TPD52: variants seen among roughly 807,000 people sequenced by gnomAD.
TPD52 encodes the protein tumor protein D52, also known as prostate and colon associated protein.
TPD52 carries 17 observed loss-of-function variants against 31.3 expected under a neutral mutation model. The observed-to-expected ratio is 0.54, with a 90% CI of 0.37 to 0.82. The LOEUF is 0.82. Among genes scored for constraint, TPD52 ranks in the 40% least tolerant of loss-of-function variants. TPD52 has a pLI of 0.00. For missense variants in TPD52, 212 were observed against 240.1 expected (o/e 0.88, Z 0.77); for synonymous variants, 83 against 89.6 (o/e 0.93, Z 0.42).
downstream of TPD52, among the ~76,000 whole-genome samples, chr8:80,033,865 T>C (rs1476220604): frequency 6.6e-6 from 1 of 152,122 alleles, no homozygotes; most frequent in Non-Finnish European, 1.5e-5. Context: ...ACCATCCGAT[T>C]AGCCGAAATG....
At chr8:80,128,494 C>CAAAAAAAA (rs3053828) in intron 1 of TPD52, among the ~76,000 whole-genome samples, 31 of 83,098 alleles carry the variant, frequency 3.7e-4, no homozygotes, top group Middle Eastern at 8.2e-3. Flanking sequence ...CCTGTCTCTA[C>CAAAAAAAA]AAAAAAAAAA....
downstream of TPD52, among the ~76,000 whole-genome samples, chr8:80,032,047 G>A (rs1327434480): frequency 6.6e-6 from 1 of 151,610 alleles, no homozygotes; most frequent in African/African-American, 2.4e-5. Context: ...CATCCACTCA[G>A]GAGGCTGAGG....
In TPD52 at chr8:80,036,857, A is replaced by T. The variant is rs1310758952; in HGVS notation, c.*1259T>A. ...ATAATAAAACAATCACAATTTAATA[A>T]ATAACAAATACAACATTGTAGGCCA... On this transcript the variant is annotated 3_prime_UTR_variant, in exon 8 of 8. Coordinates refer to ENST00000518937, the MANE Select transcript of TPD52 (RefSeq NM_001025253.3). The T allele has an allele frequency of 3.9e-5, 6 of 152,472 alleles. No homozygotes were observed. Among genetic ancestry groups the T allele is most frequent in the African/African-American group, 1.4e-4 (6 of 41,472 alleles). The allele number at this position is 152,472 out of a possible 1,614,324, so 9.4% of individuals were successfully genotyped here.
chr8:80,134,001 AT>A (rs1809212404), intron 1 of TPD52, among the ~76,000 whole-genome samples: 1 of 152,236 alleles, frequency 6.6e-6, no homozygotes. Context: ...AAAATAACAA[AT>A]AATAAAAACC....
In TPD52 at chr8:80,058,998, C is replaced by T. The variant is rs531093495; in HGVS notation, c.135+5480G>A. ...ACATATATGTACAGAACAGCTCACCCCAAATTAGTAGAAATACACTGTTCT... is the reference window on the plus strand; with the variant it reads ...ACATATATGTACAGAACAGCTCACCTCAAATTAGTAGAAATACACTGTTCT... On this transcript the variant is annotated intron_variant, in intron 2 of 7. Coordinates refer to ENST00000518937, the MANE Select transcript of TPD52 (RefSeq NM_001025253.3). 7.2e-5 allele frequency among the ~76,000 whole-genome samples: 11 copies of T among 152,216 alleles called. No individual in the cohort carries two copies. In the South Asian group the frequency reaches 1.0e-3, roughly 14 times the overall value.
chr8:80,168,708 C>G (rs4740123), intron 1 of TPD52, among the ~76,000 whole-genome samples: 53,379 of 152,090 alleles, frequency 0.35, 9,742 homozygotes, highest in East Asian at 0.63. Flanking sequence ...AGTTATCCTC[C>G]AAGCCCAGCA....
chr8:80,163,234 T>C lies in TPD52; in HGVS notation c.19+8191A>G, dbSNP rs1301558855. 2.0e-5 allele frequency among the ~76,000 whole-genome samples: 3 copies of C among 152,190 alleles called. No individual in the cohort carries two copies. The East Asian group carries it at 5.8e-4, about 29-fold the overall frequency. On this transcript the variant is annotated intron_variant, in intron 1 of 7. Coordinates refer to ENST00000518937, the MANE Select transcript of TPD52 (RefSeq NM_001025253.3). ...ATGTGGAAGCAACCTTAATTTCCAC[T>C]GATAGATAAATAATAAAGAAAATGT...
At chr8:80,111,075 C>T (rs983554319) in intron 1 of TPD52, among the ~76,000 whole-genome samples, 2 of 152,012 alleles carry the variant, frequency 1.3e-5, no homozygotes, top group African/African-American at 2.4e-5. Flanking sequence ...AGCAGGGCAT[C>T]GTGATGTGCA....
chr8:80,063,260 A>G (rs113584041), intron 2 of TPD52, among the ~76,000 whole-genome samples: 2,396 of 152,352 alleles, frequency 0.016, 29 homozygotes, highest in Middle Eastern at 0.037. Context: ...CCATGAATCA[A>G]CCTCAAAAAC....
intron 1 of TPD52, among the ~76,000 whole-genome samples, chr8:80,124,984 C>T (rs1187472382): frequency 6.6e-6 from 1 of 152,216 alleles, no homozygotes; most frequent in African/African-American, 2.4e-5. Flanking sequence ...TAAACCTACA[C>T]TGATACATCA....
rs555872900 is a variant in TPD52 at position 80,098,575 on chromosome 8, T to G, written c.20-33982A>C. ...TTACAAGTGGAGCCTGGATATGTGA[T>G]TGAATAGCTGCAATCTCATGATAAC... On this transcript the variant is annotated intron_variant, in intron 1 of 7. Transcript: ENST00000518937. Among the ~76,000 whole-genome samples the G allele has an allele frequency of 2.0e-5, 3 of 152,342 alleles. No homozygotes were observed. The South Asian group carries it at 6.2e-4, about 32-fold the overall frequency.
At chr8:80,080,172 G>T (rs1815087044) in intron 1 of TPD52, 3 of 648,838 alleles carry the variant, frequency 4.6e-6, no homozygotes, top group Non-Finnish European at 5.3e-6. Context: ...TCTGTACTTT[G>T]AATCTAGAAT....
rs1481299394 is a variant in TPD52 at position 80,038,130 on chromosome 8, G to C, written c.610C>G (p.Gln204Glu). 6.2e-7 allele frequency: 1 copy of C among 1,613,990 alleles called. No homozygotes were observed. The highest frequency in any genetic ancestry group is 2.2e-5 in the East Asian group (1 of 44,896). The change falls in exon 8 of 8, where the codon CAG becomes GAG. Residue 204 changes from glutamine (Q) to glutamate (E), a missense_variant. Physicochemically the swap from Gln to Glu is conservative, Grantham distance 29. Transcript: ENST00000518937. ...TTTEPLPEKTQESL is the reference protein window; with the variant it reads ...TTTEPLPEKTEESL ...AGGTAGGAATCTCACAGGCTCTCCTGTGTCTTTTCTGGAAGAGGCTCCGTG... is the reference window on the plus strand; with the variant it reads ...AGGTAGGAATCTCACAGGCTCTCCTCTGTCTTTTCTGGAAGAGGCTCCGTG...
intron 1 of TPD52, among the ~76,000 whole-genome samples, chr8:80,065,828 T>C (rs1438702403): frequency 1.3e-5 from 2 of 152,224 alleles, no homozygotes; most frequent in African/African-American, 4.8e-5. Context: ...TTGTATATTA[T>C]TTGACGACTA....
intron 1 of TPD52, among the ~76,000 whole-genome samples, chr8:80,070,973 C>A (rs964381633): frequency 6.6e-6 from 1 of 152,054 alleles, no homozygotes; most frequent in African/African-American, 2.4e-5. Flanking sequence ...GAAATTTGAA[C>A]GCAGAGACTC....
At chr8:80,045,633 G>A (rs182774914) in intron 5 of TPD52, among the ~76,000 whole-genome samples, 1 of 152,280 alleles carries the variant, frequency 6.6e-6, no homozygotes, top group East Asian at 1.9e-4. Context: ...GAGCAGATGA[G>A]GTCAGGAGAG....
chr8:80,100,857 C>T (rs1298198852), intron 1 of TPD52, among the ~76,000 whole-genome samples: 1 of 152,202 alleles, frequency 6.6e-6, no homozygotes, highest in Non-Finnish European at 1.5e-5. Context: ...CATCCACATT[C>T]GGAGAAGTCA....
At chr8:80,042,697 A>G (rs745319004) in intron 6 of TPD52, 29 bp from the exon 7 acceptor site, 1 of 1,580,622 alleles carries the variant, frequency 6.3e-7, no homozygotes, top group South Asian at 1.2e-5. Flanking sequence ...AACAAATAGT[A>G]AATACAAATA....
intron 4 of TPD52, among the ~76,000 whole-genome samples, chr8:80,050,834 A>AT (rs961144702): frequency 5.9e-5 from 9 of 151,600 alleles, no homozygotes; most frequent in African/African-American, 7.3e-5. Context: ...CAATCTGAGC[A>AT]TTTTTTTTTA....
Sources: allele counts gnomAD v4.1 joint callset (sites outside exome capture counted in the v4.1 genomes callset), GRCh38; gene constraint gnomAD v4.1.1; transcripts MANE v1.5; gene names NCBI Gene and HGNC (gene_info 2026-07-23, HGNC 2026-07-21).